CDKL1: variants seen among roughly 807,000 people sequenced by gnomAD.
The protein encoded by CDKL1 is cyclin-dependent kinase-like 1.
CDKL1 carries 41 observed loss-of-function variants against 42.0 expected under a neutral mutation model. The observed-to-expected ratio is 0.98, with a 90% CI of 0.76 to 1.27. The LOEUF is 1.27. Among genes scored for constraint, CDKL1 ranks in the 50% most tolerant of loss-of-function variants. The pLI is 0.00. For synonymous variants in CDKL1, 153 were observed against 158.6 expected (o/e 0.96, Z 0.26); for missense variants, 394 against 428.4 (o/e 0.92, Z 0.71).
At chr14:50,330,880 A>G (rs1174515088) in intron 9 of CDKL1, 2 of 152,228 alleles carry the variant, frequency 1.3e-5, no homozygotes, top group African/African-American at 4.8e-5. Context: ...TTTTTCAGCC[A>G]TTGTCCTCAG....
At chr14:50,343,154 A>AAT in intron 4 of CDKL1, 20 of 265,260 alleles carry the variant, frequency 7.5e-5, no homozygotes, top group Non-Finnish European at 9.6e-5. Context: ...ATTAAGAGTT[A>AAT]CTTTTTTTTT....
intron 2 of CDKL1, among the ~76,000 whole-genome samples, chr14:50,386,045 C>T (rs1328113488): frequency 6.6e-6 from 1 of 151,604 alleles, no homozygotes; most frequent in African/African-American, 2.4e-5. Flanking sequence ...ATCTTTGTTT[C>T]AGGAGATTAT....
intron 2 of CDKL1, among the ~76,000 whole-genome samples, chr14:50,376,163 A>G (rs1276628221): frequency 6.6e-6 from 1 of 152,254 alleles, no homozygotes; most frequent in Non-Finnish European, 1.5e-5. Flanking sequence ...ATGATAATGC[A>G]TCAGCATTGG....
chr14:50,372,320 G>T (rs950391982), intron 2 of CDKL1, among the ~76,000 whole-genome samples: 4 of 151,940 alleles, frequency 2.6e-5, no homozygotes, highest in African/African-American at 9.7e-5. Flanking sequence ...GTTTTGCCAT[G>T]TTGGCCAGAC....
intron 2 of CDKL1, among the ~76,000 whole-genome samples, chr14:50,373,534 A>G (rs1429616208): frequency 1.3e-5 from 2 of 152,220 alleles, no homozygotes; most frequent in East Asian, 3.8e-4. Flanking sequence ...GCAAACTGCT[A>G]TAACTTTTTT....
upstream of CDKL1, chr14:50,397,187 CCA>C: frequency 7.3e-7 from 1 of 1,366,586 alleles, no homozygotes; most frequent in Non-Finnish European, 9.8e-7. Flanking sequence ...CCTGAGCGGT[CCA>C]CATTTCCCTG....
Position 50,330,146 on chromosome 14 carries a change from G to C in CDKL1, c.1002C>G (p.Ile334Met), listed in dbSNP as rs1040385988. The C allele has an allele frequency of 6.2e-7, 1 of 1,607,324 alleles. No individual in the cohort carries two copies. Among genetic ancestry groups the C allele is most frequent in the Non-Finnish European group, 8.5e-7 (1 of 1,178,636 alleles). ...ACTTCTTATTATCCAAAGCTGGAAG[G>C]ATGCTGCTGCCAGTTAGCTGGGGTA... is the stretch of plus-strand genomic sequence containing the variant. ...QYLPQLTGSSILPALDNKKYY... is the reference protein window; with the variant it reads ...QYLPQLTGSSMLPALDNKKYY... Residue 334 changes from isoleucine (I) to methionine (M), a missense_variant, in exon 10 of 10, where the codon ATC becomes ATG. By Grantham distance (10) the Ile-to-Met change is conservative (BLOSUM62 1). Transcript: ENST00000395834.
intron 2 of CDKL1, among the ~76,000 whole-genome samples, chr14:50,375,317 A>T (rs909816577): frequency 2.6e-5 from 4 of 152,228 alleles, no homozygotes; most frequent in African/African-American, 9.6e-5. Context: ...ACAAATAAAT[A>T]AAAGATAAGT....
intron 6 of CDKL1, among the ~76,000 whole-genome samples, chr14:50,340,017 A>G (rs1303679999): frequency 6.6e-6 from 1 of 152,148 alleles, no homozygotes. Flanking sequence ...TATACCCTCA[A>G]TGCCTTGTCC....
chr14:50,342,905 C>T (rs775670583), intron 4 of CDKL1: 3 of 1,332,630 alleles, frequency 2.3e-6, no homozygotes, highest in African/African-American at 3.1e-5. Context: ...GCAGCCCTCA[C>T]CCTCTGGGGA....
chr14:50,335,465 G>GTT (rs2033214455), intron 7 of CDKL1: 1 of 1,535,972 alleles, frequency 6.5e-7, no homozygotes, highest in Non-Finnish European at 8.7e-7. Flanking sequence ...TCAGCCTGCT[G>GTT]TTTAAACAGT....
At chr14:50,396,397 G>T in intron 1 of CDKL1, 68 bp from the exon 2 acceptor site, 1 of 985,738 alleles carries the variant, frequency 1.0e-6, no homozygotes, top group South Asian at 4.7e-5. Context: ...ACGCGATCAG[G>T]AGTAACAGCC....
intron 3 of CDKL1, among the ~76,000 whole-genome samples, chr14:50,348,160 C>T (rs1269414639): frequency 3.9e-5 from 6 of 152,092 alleles, no homozygotes; most frequent in East Asian, 3.8e-4. Context: ...TCCTAGAAAG[C>T]GAAAATCTAA....
intron 4 of CDKL1, chr14:50,342,677 G>A (rs1245850161): frequency 4.0e-5 from 11 of 271,910 alleles, no homozygotes; most frequent in Non-Finnish European, 5.9e-5. Flanking sequence ...AGGTCCGGGT[G>A]AGGCTGCATC....
intron 8 of CDKL1, 128 bp from the exon 9 acceptor site, chr14:50,332,560 A>T: frequency 6.7e-7 from 1 of 1,484,258 alleles, no homozygotes; most frequent in Non-Finnish European, 9.0e-7. Flanking sequence ...AGGAAAACAC[A>T]CCAGTCATGA....
chr14:50,332,562 C>T (rs2033016853), intron 8 of CDKL1, 130 bp from the exon 9 acceptor site: 4 of 1,482,180 alleles, frequency 2.7e-6, no homozygotes, highest in Non-Finnish European at 3.6e-6. Context: ...GAAAACACAC[C>T]AGTCATGATT....
At chr14:50,397,131 G>T (rs534497871), upstream of CDKL1, 9 of 1,365,558 alleles carry the variant, frequency 6.6e-6, no homozygotes, top group African/African-American at 2.9e-5. Context: ...GCAAAGCGCA[G>T]CTGTAACCGC....
intron 3 of CDKL1, among the ~76,000 whole-genome samples, 175 bp from the exon 4 acceptor site, chr14:50,345,233 C>T (rs939047353): frequency 6.6e-6 from 1 of 152,204 alleles, no homozygotes; most frequent in Non-Finnish European, 1.5e-5. Context: ...GCGACCAGCA[C>T]ACCGCTGAAG....
At chr14:50,391,282 C>T (rs2035250042) in intron 2 of CDKL1, among the ~76,000 whole-genome samples, 1 of 152,168 alleles carries the variant, frequency 6.6e-6, no homozygotes, top group South Asian at 2.1e-4. Flanking sequence ...CAGGTAGGGT[C>T]CATGTGTCAT....
Sources: gnomAD v4.1 joint callset for allele counts (sites outside exome capture counted in the v4.1 genomes callset) on GRCh38, gnomAD v4.1.1 for gene constraint, MANE v1.5 for transcripts, NCBI Gene and HGNC (gene_info 2026-07-23, HGNC 2026-07-21) for gene names.